Variants in NTM observed in about 807,000 individuals in gnomAD.
The protein encoded by NTM is neurotrimin, also known as IgLON family member 2.
A neutral mutation model predicts 42.1 loss-of-function variants in NTM; 13 were observed. The observed-to-expected ratio is 0.31, with a 90% CI of 0.20 to 0.49. The LOEUF (loss-of-function observed/expected upper bound fraction) is 0.49. Among genes scored for constraint, NTM ranks in the 20% least tolerant of loss-of-function variants. The probability of loss-of-function intolerance (pLI) is 0.99; values close to 1 mark genes in which losing one functional copy is unlikely to be tolerated. For synonymous variants in NTM, 187 were observed against 179.2 expected, an observed-to-expected ratio of 1.04 and a Z score of -0.35; for missense variants, 373 against 452.8, an observed-to-expected ratio of 0.82 and a Z score of 1.60.
At chr11:131,675,957 G>A (rs2071310155) in intron 1 of NTM, among the ~76,000 whole-genome samples, 1 of 152,168 alleles carries the variant, frequency 6.6e-6, no homozygotes, top group South Asian at 2.1e-4. Context: ...GTCTTTTATG[G>A]CTTTCACCTT....
At chr11:132,307,008 C>G (rs930474310) in intron 4 of NTM, among the ~76,000 whole-genome samples, 6 of 152,148 alleles carry the variant, frequency 3.9e-5, no homozygotes, top group African/African-American at 1.4e-4. Flanking sequence ...GGATTCGCAG[C>G]CACGTCGCCT....
intron 3 of NTM, among the ~76,000 whole-genome samples, chr11:132,187,237 G>A (rs948616866): frequency 2.0e-5 from 3 of 151,842 alleles, no homozygotes; most frequent in Non-Finnish European, 2.9e-5. Context: ...GTGTGTGTGT[G>A]TGTGTGTGTG....
chr11:131,985,487 C>T (rs1051504538), intron 2 of NTM, among the ~76,000 whole-genome samples: 1 of 152,208 alleles, frequency 6.6e-6, no homozygotes, highest in Non-Finnish European at 1.5e-5. Context: ...GCCCATGCAA[C>T]AGTGCAACAC....
At chr11:131,431,898 C>T (rs1230224587) in intron 1 of NTM, among the ~76,000 whole-genome samples, 1 of 152,152 alleles carries the variant, frequency 6.6e-6, no homozygotes, top group Non-Finnish European at 1.5e-5. Context: ...CCATCAGACA[C>T]TCCCCCACAC....
intron 2 of NTM, among the ~76,000 whole-genome samples, chr11:132,081,460 C>T (rs555188566): frequency 5.3e-5 from 8 of 152,176 alleles, no homozygotes; most frequent in East Asian, 3.9e-4. Flanking sequence ...TGGCCAGGCA[C>T]GGTGGCTCGC....
intron 2 of NTM, among the ~76,000 whole-genome samples, chr11:132,049,250 G>A (rs544077553): frequency 4.3e-4 from 66 of 152,158 alleles, no homozygotes; most frequent in Non-Finnish European, 7.5e-4. Context: ...CTTCCTCCAA[G>A]TGACCCCTGG....
At chr11:131,611,546 A>T (rs745583394) in intron 1 of NTM, among the ~76,000 whole-genome samples, 9 of 152,246 alleles carry the variant, frequency 5.9e-5, no homozygotes, top group Non-Finnish European at 1.0e-4. Context: ...ATCCACTTAC[A>T]TAAAGAAGGA....
intron 2 of NTM, among the ~76,000 whole-genome samples, chr11:132,013,518 T>C (rs1048639466): frequency 6.6e-6 from 1 of 152,042 alleles, no homozygotes; most frequent in East Asian, 1.9e-4. Context: ...CAAGGAGATT[T>C]GGGAGTAAAC....
At chr11:132,128,470 C>T (rs1371546113) in intron 2 of NTM, among the ~76,000 whole-genome samples, 1 of 152,118 alleles carries the variant, frequency 6.6e-6, no homozygotes. Context: ...GGACCATCCT[C>T]AGATCTTTGT....
At chr11:132,148,677 G>T (rs1185638391) in intron 3 of NTM, among the ~76,000 whole-genome samples, 1 of 152,086 alleles carries the variant, frequency 6.6e-6, no homozygotes, top group Non-Finnish European at 1.5e-5. Context: ...CCACACCCCT[G>T]CCCTGAACAC....
chr11:131,896,679 C>CTTTTTT (rs71067345), intron 1 of NTM, among the ~76,000 whole-genome samples: 9 of 100,602 alleles, frequency 8.9e-5, no homozygotes, highest in Admixed American at 2.1e-4. Flanking sequence ...ACATTTTAGG[C>CTTTTTT]TTTTTTTTTT....
intron 1 of NTM, among the ~76,000 whole-genome samples, chr11:131,804,890 C>G (rs1407547413): frequency 6.6e-6 from 1 of 152,046 alleles, no homozygotes. Flanking sequence ...CTTTTTCGCC[C>G]CTTCTGACCT....
At chr11:131,818,730 C>T (rs183057323) in intron 1 of NTM, among the ~76,000 whole-genome samples, 364 of 152,246 alleles carry the variant, frequency 2.4e-3, no homozygotes, top group Admixed American at 5.2e-3. Context: ...ATGTGAAAGG[C>T]GGTTGCTATC....
intron 2 of NTM, among the ~76,000 whole-genome samples, chr11:132,134,735 A>ATC (rs1566259738): frequency 6.5e-5 from 5 of 76,706 alleles, no homozygotes; most frequent in African/African-American, 2.5e-4. Context: ...ATATATATAT[A>ATC]TATATATATA....
chr11:131,436,311 G>A, intron 1 of NTM, among the ~76,000 whole-genome samples: 1 of 152,134 alleles, frequency 6.6e-6, no homozygotes, highest in East Asian at 1.9e-4. Context: ...ATGAGTTAGG[G>A]AGGATTCCCT....
chr11:132,014,988 TC>T (rs2073111641), intron 2 of NTM, among the ~76,000 whole-genome samples: 1 of 151,946 alleles, frequency 6.6e-6, no homozygotes, highest in African/African-American at 2.4e-5. Context: ...CTGGAGTGTT[TC>T]CCCCATGTTT....
chr11:132,063,289 G>T (rs1371566139), intron 2 of NTM, among the ~76,000 whole-genome samples: 1 of 152,172 alleles, frequency 6.6e-6, no homozygotes, highest in African/African-American at 2.4e-5. Flanking sequence ...TGAATTTGGG[G>T]ACACAAACAT....
At chr11:131,808,428 A>G (rs1482891658) in intron 1 of NTM, among the ~76,000 whole-genome samples, 2 of 152,236 alleles carry the variant, frequency 1.3e-5, no homozygotes, top group African/African-American at 4.8e-5. Flanking sequence ...CAAAGCATCT[A>G]AGATGGGCCA....
intron 1 of NTM, among the ~76,000 whole-genome samples, chr11:131,479,351 T>C (rs1181340481): frequency 6.6e-6 from 1 of 152,024 alleles, no homozygotes; most frequent in Non-Finnish European, 1.5e-5. Flanking sequence ...ATGTATAAAA[T>C]TTGAGAAGGG....
Sources: gnomAD v4.1 joint callset for allele counts (sites outside exome capture counted in the v4.1 genomes callset) on GRCh38, gnomAD v4.1.1 for gene constraint, MANE v1.5 for transcripts, NCBI Gene and HGNC (gene_info 2026-07-23, HGNC 2026-07-21) for gene names.